TAFA4: variants seen among roughly 807,000 people sequenced by gnomAD.
TAFA4 encodes chemokine-like protein TAFA-4.
TAFA4 carries 20 observed loss-of-function variants against 21.1 expected under a neutral mutation model. That is an observed-to-expected ratio of 0.95 (90% confidence interval 0.67 to 1.38). TAFA4 has a LOEUF of 1.38. TAFA4 is among the 40% of genes most tolerant of loss of function. TAFA4 has a pLI of 0.00. For synonymous variants in TAFA4, 71 were observed against 67.4 expected (o/e 1.05, Z -0.26); for missense variants, 211 against 180.9 (o/e 1.17, Z -0.95).
chr3:68,866,866 C>G (rs139593586), intron 3 of TAFA4, among the ~76,000 whole-genome samples: 2 of 151,454 alleles, frequency 1.3e-5, no homozygotes, highest in Admixed American at 1.3e-4. Context: ...TGAAAATATA[C>G]AGTCAGAATA....
At chr3:68,813,471 A>G (rs186681019) in intron 3 of TAFA4, among the ~76,000 whole-genome samples, 55 of 152,296 alleles carry the variant, frequency 3.6e-4, no homozygotes, top group African/African-American at 1.3e-3. Flanking sequence ...ACAATAAAAA[A>G]TGATAACAGG....
intron 3 of TAFA4, among the ~76,000 whole-genome samples, chr3:68,818,771 G>A: frequency 6.6e-6 from 1 of 152,114 alleles, no homozygotes; most frequent in East Asian, 1.9e-4. Flanking sequence ...AGTGCATGGT[G>A]TACCCCAAAA....
intron 3 of TAFA4, among the ~76,000 whole-genome samples, chr3:68,872,725 C>T (rs2089498113): frequency 6.6e-6 from 1 of 152,052 alleles, no homozygotes; most frequent in African/African-American, 2.4e-5. Context: ...AAATTCCAGA[C>T]ATAATACCAA....
chr3:68,752,634 C>A (rs1468591913), intron 4 of TAFA4, among the ~76,000 whole-genome samples: 1 of 152,118 alleles, frequency 6.6e-6, no homozygotes, highest in Non-Finnish European at 1.5e-5. Context: ...CACATCTTCC[C>A]AACTGCCCTA....
intron 3 of TAFA4, among the ~76,000 whole-genome samples, chr3:68,782,440 A>G (rs1054684927): frequency 2.0e-5 from 3 of 152,198 alleles, no homozygotes; most frequent in Non-Finnish European, 1.5e-5. Flanking sequence ...TTATACACAA[A>G]TGTTTATGGA....
intron 3 of TAFA4, among the ~76,000 whole-genome samples, chr3:68,764,870 C>A (rs1164114221): frequency 6.6e-6 from 1 of 152,090 alleles, no homozygotes; most frequent in Non-Finnish European, 1.5e-5. Flanking sequence ...AAAAACTCTC[C>A]ATTTGGAGGC....
chr3:68,747,840 G>A (rs1482587575), intron 4 of TAFA4, among the ~76,000 whole-genome samples: 1 of 152,194 alleles, frequency 6.6e-6, no homozygotes, highest in East Asian at 1.9e-4. Context: ...CAGAAGGCAG[G>A]AATTAAATCC....
intron 1 of TAFA4, among the ~76,000 whole-genome samples, chr3:68,913,407 G>T (rs745926113): frequency 6.6e-5 from 10 of 152,226 alleles, no homozygotes; most frequent in Middle Eastern, 3.4e-3. Context: ...GTGGCTGGGC[G>T]GAGTTGCAAA....
chr3:68,837,420 C>T (rs1236502490), intron 3 of TAFA4, among the ~76,000 whole-genome samples: 1 of 152,328 alleles, frequency 6.6e-6, no homozygotes, highest in East Asian at 1.9e-4. Flanking sequence ...TGCTCTACTA[C>T]ATCAATATGG....
intron 3 of TAFA4, among the ~76,000 whole-genome samples, chr3:68,779,813 C>T (rs1028577658): frequency 1.3e-5 from 2 of 152,200 alleles, no homozygotes; most frequent in African/African-American, 4.8e-5. Context: ...AGCCCCCACA[C>T]AGAGTCTCTA....
intron 3 of TAFA4, among the ~76,000 whole-genome samples, chr3:68,757,549 C>A (rs935013952): frequency 6.6e-6 from 1 of 152,170 alleles, no homozygotes; most frequent in African/African-American, 2.4e-5. Flanking sequence ...TCAGCAACTT[C>A]TTGGAGCAGT....
chr3:68,774,966 A>T (rs576766223), intron 3 of TAFA4, among the ~76,000 whole-genome samples: 2 of 152,210 alleles, frequency 1.3e-5, no homozygotes, highest in African/African-American at 4.8e-5. Context: ...TTCCCATCAT[A>T]ACAACAAAGG....
intron 3 of TAFA4, among the ~76,000 whole-genome samples, chr3:68,771,656 A>G (rs1230025028): frequency 6.6e-6 from 1 of 152,248 alleles, no homozygotes; most frequent in Non-Finnish European, 1.5e-5. Flanking sequence ...ATGAAATTCC[A>G]GTAAAATTTT....
At chr3:68,899,223 A>G (rs938807085) in intron 1 of TAFA4, among the ~76,000 whole-genome samples, 5 of 152,186 alleles carry the variant, frequency 3.3e-5, no homozygotes. Context: ...TACACACCAA[A>G]TCTTAAAGCC....
rs193104221 is a variant in TAFA4, at chr3:68,909,327, G to T, written c.-123+22913C>A. The stretch of plus-strand genomic sequence containing the variant: ...ATTACAGTAAGAGAATATCCATGGC[G>T]CTGAAGAAGTAACAGCTTAACAGTT... On this transcript the variant is annotated intron_variant, in intron 1 of 5. Coordinates refer to ENST00000295569, the MANE Select transcript of TAFA4 (RefSeq NM_182522.5). Among the ~76,000 whole-genome samples the T allele has an allele frequency of 1.4e-3, 218 of 152,272 alleles. 1 individual carries two copies. The highest frequency in any genetic ancestry group is 5.1e-3 in the African/African-American group (212 of 41,552).
intron 2 of TAFA4, among the ~76,000 whole-genome samples, chr3:68,882,535 A>G (rs374435775): frequency 6.6e-6 from 1 of 152,086 alleles, no homozygotes; most frequent in South Asian, 2.1e-4. Flanking sequence ...AACCAGCCCA[A>G]CTCATTTACA....
chr3:68,820,040 A>T (rs1320781549), intron 3 of TAFA4, among the ~76,000 whole-genome samples: 2 of 152,234 alleles, frequency 1.3e-5, no homozygotes, highest in Non-Finnish European at 2.9e-5. Context: ...ACCTAAGTGT[A>T]CATAAATGAA....
chr3:68,928,636 T>C (rs1382473130), intron 1 of TAFA4, among the ~76,000 whole-genome samples: 1 of 152,184 alleles, frequency 6.6e-6, no homozygotes, highest in Non-Finnish European at 1.5e-5. Flanking sequence ...TAACCCAAGC[T>C]AGCTGGTGTA....
chr3:68,755,797 C>T (rs1259743644), intron 3 of TAFA4, among the ~76,000 whole-genome samples: 4 of 152,146 alleles, frequency 2.6e-5, no homozygotes, highest in South Asian at 2.1e-4. Context: ...CTTGTGCAGG[C>T]CCCTCCCACA....
Sources: allele counts gnomAD v4.1 joint callset (sites outside exome capture counted in the v4.1 genomes callset), GRCh38; gene constraint gnomAD v4.1.1; transcripts MANE v1.5; gene names NCBI Gene and HGNC (gene_info 2026-07-23, HGNC 2026-07-21).